Variants in DHX29 observed in about 807,000 individuals in gnomAD.
The protein encoded by DHX29 is ATP-dependent RNA helicase DHX29.
A neutral mutation model predicts 167.9 loss-of-function variants in DHX29; 79 were observed. The ratio of observed to expected loss-of-function variants is 0.47; its 90% CI spans 0.39 to 0.57. The LOEUF is 0.57. DHX29 is among the 20% of genes least tolerant of loss of function. DHX29 has a pLI of 0.00. For synonymous variants in DHX29, 530 were observed against 546.0 expected (o/e 0.97, Z 0.41); for missense variants, 1,347 against 1,593.4 (o/e 0.85, Z 2.63).
intron 5 of DHX29, 140 bp downstream of exon 5, chr5:55,295,239 T>A: frequency 1.5e-6 from 1 of 664,334 alleles, no homozygotes. Context: ...AAACAAGCAA[T>A]GATAGAAAAG....
In DHX29 at chr5:55,289,372, G is replaced by A. The variant is rs755026982; in HGVS notation, c.964C>T (p.Gln322Ter). Residue 322 changes from glutamine (Q) to a stop codon, truncating the protein, a stop_gained, in exon 8 of 27, where the codon CAA (glutamine) becomes TAA (stop). Coordinates refer to ENST00000251636, the MANE Select transcript of DHX29 (RefSeq NM_019030.4). LOFTEE classifies it high-confidence loss of function. ...GGAGGCTTTTTCCTTTCATTTTGTT[G>A]ATGTGAAATCTTCATGGCTGGGTTA... ...VFNPAMKISH[Q>*]QNERKKPPVA... The A allele has an allele frequency of 1.9e-6, 3 of 1,600,010 alleles. No individual in the cohort carries two copies. In the South Asian group the frequency reaches 3.4e-5, roughly 18 times the overall value.
At chr5:55,291,042 T>C (rs901953640) in intron 6 of DHX29, among the ~76,000 whole-genome samples, 1 of 152,066 alleles carries the variant, frequency 6.6e-6, no homozygotes, top group East Asian at 1.9e-4. Flanking sequence ...TAAGTATGTG[T>C]ATTTAAAGGA....
chr5:55,300,694 C>T (rs1229242364), intron 1 of DHX29, among the ~76,000 whole-genome samples: 1 of 152,056 alleles, frequency 6.6e-6, no homozygotes, highest in Admixed American at 6.6e-5. Context: ...AGGACCTCAA[C>T]AAAATAATAA....
chr5:55,270,631 T>A lies in DHX29; in HGVS notation c.2940A>T (p.Gly980=), dbSNP rs1746808810. 3.1e-6 allele frequency: 5 copies of A among 1,614,194 alleles called. No homozygotes were observed. Among genetic ancestry groups the A allele is most frequent in the Middle Eastern group, 1.6e-4 (1 of 6,062 alleles). Residue 980 remains glycine (G), a synonymous_variant, in exon 19 of 27, where the codon GGA becomes GGT. Transcript: ENST00000251636. ...AGCCATCTCTGACCCGCCCAGCTCT[T>A]CCCTGGCGCTGCAAAGCACTGGCTT... ...VSKASALQRQ[G]RAGRVRDGFC...
chr5:55,257,814 T>C (rs776549924), intron 26 of DHX29, among the ~76,000 whole-genome samples: 50 of 152,204 alleles, frequency 3.3e-4, no homozygotes, highest in Non-Finnish European at 5.9e-4. Context: ...ACTGATATCA[T>C]TTCAAAAAAT....
chr5:55,291,347 G>A (rs185440824), intron 6 of DHX29, among the ~76,000 whole-genome samples: 9 of 152,260 alleles, frequency 5.9e-5, no homozygotes, highest in Admixed American at 1.3e-4. Context: ...ATATCTAGCC[G>A]AATTTTGGTA....
chr5:55,301,740 G>C, intron 1 of DHX29, among the ~76,000 whole-genome samples: 1 of 118,006 alleles, frequency 8.5e-6, no homozygotes, highest in East Asian at 2.5e-4. Context: ...AAAAAAACAA[G>C]AATGATTCCA....
chr5:55,271,476 C>G (rs1746850453), intron 18 of DHX29, among the ~76,000 whole-genome samples: 1 of 152,140 alleles, frequency 6.6e-6, no homozygotes, highest in East Asian at 1.9e-4. Context: ...ACTAAAAATA[C>G]AAAAACATTA....
chr5:55,276,508 T>A, intron 13 of DHX29, 102 bp from the exon 14 acceptor site: 1 of 941,548 alleles, frequency 1.1e-6, no homozygotes, highest in Non-Finnish European at 1.6e-6. Context: ...TCACCAAATG[T>A]TAATTTAGAA....
intron 5 of DHX29, chr5:55,295,142 T>C (rs1466653792): frequency 2.7e-6 from 1 of 373,138 alleles, no homozygotes; most frequent in Non-Finnish European, 4.8e-6. Context: ...AAGAAACACC[T>C]TGCTGAGCCC....
At chr5:55,285,658 A>G (rs373472029) in intron 9 of DHX29, 38 bp downstream of exon 9, 1 of 1,524,232 alleles carries the variant, frequency 6.6e-7, no homozygotes, top group Non-Finnish European at 8.8e-7. Context: ...TCTAAAGTTC[A>G]TTCAGTTAAT....
In DHX29 at chr5:55,295,413, T is replaced by G; in HGVS notation, c.617A>C (p.Lys206Thr). 1 of 1,613,594 alleles carries G rather than the reference T, an allele frequency of 6.2e-7. No homozygotes were observed. The highest frequency in any genetic ancestry group is 8.5e-7 in the Non-Finnish European group (1 of 1,179,544). ...AGGGTCCTCTTCATATGTTTTTGTT[T>G]TAGGTTGCAATGGAGGTGAAATAGT... ...QATISPPLQP[K>T]TKTYEEDPKS... The change falls in exon 5 of 27, where the codon AAA (lysine) becomes ACA (threonine). Residue 206 changes from lysine (K) to threonine (T), a missense_variant. By Grantham distance (78) the Lys-to-Thr change is moderately conservative. This residue lies in a region of DHX29 where 405 missense variants were observed against 416.8 expected (regional missense o/e 0.97). Coordinates refer to ENST00000251636, the MANE Select transcript of DHX29 (RefSeq NM_019030.4).
At position 55,274,924 on chromosome 5, in the gene DHX29, T is replaced by C. The variant is rs533917545; in HGVS notation, c.2514A>G (p.Leu838=). Residue 838 remains leucine (L), a synonymous_variant, in exon 15 of 27, where the codon CTA becomes CTG. Coordinates refer to ENST00000251636, the MANE Select transcript of DHX29 (RefSeq NM_019030.4). ...GGTTGATTTTATGAGGATTCATGTA[T>C]AGAATAGCATGCTGAGTGCGGCTGC... ...KYSSRTQHAI[L]YMNPHKINLD... The C allele has an allele frequency of 6.2e-7, 1 of 1,613,892 alleles. No homozygotes were observed. The highest frequency in any genetic ancestry group is 1.3e-5 in the African/African-American group (1 of 75,040).
At chr5:55,307,223 C>T (rs565603789) in intron 1 of DHX29, among the ~76,000 whole-genome samples, 164 bp downstream of exon 1, 25 of 152,330 alleles carry the variant, frequency 1.6e-4, no homozygotes, top group Admixed American at 1.6e-3. Context: ...AGAGCTTAGA[C>T]TTTTTTAATC....
chr5:55,275,785 G>A (rs1222822897), intron 14 of DHX29, among the ~76,000 whole-genome samples: 1 of 152,048 alleles, frequency 6.6e-6, no homozygotes, highest in Non-Finnish European at 1.5e-5. Context: ...GTGTGTGTCT[G>A]TCTGTCTATC....
intron 26 of DHX29, among the ~76,000 whole-genome samples, chr5:55,257,185 T>G (rs1301564919): frequency 6.6e-6 from 1 of 152,206 alleles, no homozygotes; most frequent in East Asian, 1.9e-4. Flanking sequence ...TTCTACTTAA[T>G]AGTTAACTCT....
intron 23 of DHX29, among the ~76,000 whole-genome samples, chr5:55,265,410 A>AT (rs1746509743): frequency 6.6e-6 from 1 of 152,022 alleles, no homozygotes; most frequent in Non-Finnish European, 1.5e-5. Flanking sequence ...CCTGAATTGG[A>AT]TTAAACTCTC....
chr5:55,258,959 A>G (rs1265155937), intron 26 of DHX29, among the ~76,000 whole-genome samples: 1 of 152,192 alleles, frequency 6.6e-6, no homozygotes, highest in African/African-American at 2.4e-5. Context: ...TAAACCTAAC[A>G]GAAAGTCCCT....
At position 55,256,511 on chromosome 5, in the gene DHX29, A is replaced by C; in HGVS notation, c.4087T>G (p.Leu1363Val). Reference sequence around the variant, plus strand: ...TTTCAGTTATTCTCTGTTTTTATCAATTCCGTAATGATCTGCAGAATCTTG... The same window carrying C: ...TTTCAGTTATTCTCTGTTTTTATCACTTCCGTAATGATCTGCAGAATCTTG... ...NDKILQIITE[L>V]IKTENN Residue 1363 changes from leucine (L) to valine (V), a missense_variant, in exon 27 of 27, where the codon TTG becomes GTG. Leu to Val is a conservative substitution (Grantham distance 32). Transcript: ENST00000251636. 6.3e-7 allele frequency: 1 copy of C among 1,596,564 alleles called. No individual in the cohort carries two copies. Among genetic ancestry groups the C allele is most frequent in the Non-Finnish European group, 8.5e-7 (1 of 1,174,706 alleles).
Sources: gnomAD v4.1 joint callset for allele counts (sites outside exome capture counted in the v4.1 genomes callset) on GRCh38, gnomAD v4.1.1 for gene constraint, gnomAD v4.1.1 regional missense constraint, MANE v1.5 for transcripts, NCBI Gene and HGNC (gene_info 2026-07-23, HGNC 2026-07-21) for gene names.